Variants in TRPM4 observed in about 807,000 individuals in gnomAD.
TRPM4 encodes the protein transient receptor potential cation channel subfamily M member 4, also known as calcium-activated non-selective cation channel 1.
In TRPM4, 124 loss-of-function variants were observed where a neutral mutation model predicts 135.6. The observed-to-expected ratio is 0.91, with a 90% CI of 0.79 to 1.06. The LOEUF (loss-of-function observed/expected upper bound fraction) is 1.06. TRPM4 is among the 50% of genes least tolerant of loss of function. The pLI, the probability that TRPM4 is intolerant of heterozygous loss-of-function variation, is 0.00. For missense variants in TRPM4, 1,658 were observed against 1,671.4 expected, an observed-to-expected ratio of 0.99 and a Z score of 0.14; for synonymous variants, 745 against 705.6, an observed-to-expected ratio of 1.06 and a Z score of -0.88.
chr19:49,198,454 C>G (rs951652045), intron 17 of TRPM4, among the ~76,000 whole-genome samples: 1 of 151,966 alleles, frequency 6.6e-6, no homozygotes, highest in African/African-American at 2.4e-5. Flanking sequence ...TGAGACCAGC[C>G]TGCCCAACAT....
At chr19:49,183,322 C>A in intron 12 of TRPM4, 110 bp downstream of exon 12, 2 of 1,419,616 alleles carry the variant, frequency 1.4e-6, no homozygotes, top group Non-Finnish European at 2.0e-6. Context: ...ACCTGACAGG[C>A]GCCCCATCCT....
At chr19:49,205,513 G>A (rs1381910996) in intron 20 of TRPM4, among the ~76,000 whole-genome samples, 1 of 148,512 alleles carries the variant, frequency 6.7e-6, no homozygotes, top group Non-Finnish European at 1.5e-5. Context: ...GGCACTATGG[G>A]TTATGACTTC....
chr19:49,204,007 C>T (rs12976461), intron 20 of TRPM4, among the ~76,000 whole-genome samples: 1 of 152,148 alleles, frequency 6.6e-6, no homozygotes, highest in Non-Finnish European at 1.5e-5. Context: ...GTAATTCCAG[C>T]TACTTGGGAG....
chr19:49,162,332 A>G (rs1966997164), intron 2 of TRPM4, among the ~76,000 whole-genome samples: 1 of 152,108 alleles, frequency 6.6e-6, no homozygotes, highest in South Asian at 2.1e-4. Context: ...TGAGGTCAGG[A>G]GTTTGAGACC....
At chr19:49,158,584 T>TTTCATTCATTCA (rs72260340) in intron 2 of TRPM4, 12 of 245,048 alleles carry the variant, frequency 4.9e-5, no homozygotes, top group South Asian at 1.2e-4. Flanking sequence ...GGTATTTCTG[T>TTTCATTCATTCA]TTCATTCATT....
chr19:49,205,836 G>A (rs759388392), intron 20 of TRPM4, among the ~76,000 whole-genome samples: 10 of 151,398 alleles, frequency 6.6e-5, no homozygotes, highest in Admixed American at 5.3e-4. Context: ...GGACCCGGCC[G>A]GACTTCAACA....
chr19:49,161,923 C>A (rs1324262312), intron 2 of TRPM4, among the ~76,000 whole-genome samples: 2 of 152,176 alleles, frequency 1.3e-5, no homozygotes, highest in East Asian at 3.9e-4. Context: ...AGCCACTGCT[C>A]CTGGCCCTGG....
intron 12 of TRPM4, among the ~76,000 whole-genome samples, chr19:49,187,443 C>T (rs758614042): frequency 9.9e-5 from 15 of 151,904 alleles, no homozygotes; most frequent in Non-Finnish European, 1.6e-4. Flanking sequence ...CTACTGGGCT[C>T]ATTCGATCCT....
chr19:49,188,832 C>G (rs1968298915), intron 13 of TRPM4, 62 bp downstream of exon 13: 3 of 1,612,846 alleles, frequency 1.9e-6, no homozygotes, highest in Non-Finnish European at 2.5e-6. Flanking sequence ...GGATGTGCAA[C>G]TCCGCACTCC....
In TRPM4 at chr19:49,202,052, G is replaced by A. The variant is rs760180916; in HGVS notation, c.3042G>A (p.Gln1014=). 1 of 1,614,062 alleles carries A rather than the reference G, an allele frequency of 6.2e-7. No individual in the cohort carries two copies. The highest frequency in any genetic ancestry group is 1.7e-5 in the Admixed American group (1 of 60,020). ...PGAQAGTCVS[Q]YANWLVVLLL... ...CCCAGGCGGGCACCTGCGTCTCCCAGTATGCCAACTGGCTGGTGGTGCTGC... is the reference window on the plus strand; with the variant it reads ...CCCAGGCGGGCACCTGCGTCTCCCAATATGCCAACTGGCTGGTGGTGCTGC... The change falls in exon 20 of 25, where the codon CAG becomes CAA. Residue 1014 remains glutamine (Q), a synonymous_variant. Coordinates refer to ENST00000252826, the MANE Select transcript of TRPM4 (RefSeq NM_017636.4).
chr19:49,184,539 C>A (rs777904230), intron 12 of TRPM4, among the ~76,000 whole-genome samples: 10 of 140,006 alleles, frequency 7.1e-5, no homozygotes, highest in Non-Finnish European at 1.2e-4. Context: ...CCGCTCACTG[C>A]AAGCTCTGCC....
Position 49,211,737 on chromosome 19 carries a change from T to A in TRPM4, c.*239T>A. 4.9e-6 allele frequency: 3 copies of A among 610,174 alleles called. No homozygotes were observed. Among genetic ancestry groups the A allele is most frequent in the Non-Finnish European group, 5.8e-6 (2 of 344,180 alleles). The allele number at this position is 610,174 out of a possible 1,614,324, so 37.8% of individuals were successfully genotyped here. On this transcript the variant is annotated 3_prime_UTR_variant, in exon 25 of 25. Coordinates refer to ENST00000252826, the MANE Select transcript of TRPM4 (RefSeq NM_017636.4). The surrounding 1 kb of genome is among the most constrained non-coding windows in gnomAD (Gnocchi z 4.8). ...TCAAGGCCTGGATCCCGGGCCGTTA[T>A]CCATCTGGAGGCTGCAGGGTCCTTG...
rs150333519 is a variant in TRPM4 at position 49,171,469 on chromosome 19, A to G, written c.858+51A>G. ...TAAGGGGGAAGGAGGGTTGGGGGCC[A>G]GGACTCCTGGGTCCTGAGTCTTAGG... On this transcript the variant is annotated intron_variant, in intron 7 of 24. Transcript: ENST00000252826. This position sits in a 1 kb window ranked among gnomAD's most constrained non-coding sequence, Gnocchi z 4.7. 1,193 of 1,612,704 alleles carry G rather than the reference A, an allele frequency of 7.4e-4. 7 individuals are homozygous for G. The East Asian group carries it at 0.015, about 20-fold the overall frequency.
chr19:49,192,289 C>T (rs1968441613), intron 16 of TRPM4, among the ~76,000 whole-genome samples: 1 of 152,100 alleles, frequency 6.6e-6, no homozygotes, highest in Non-Finnish European at 1.5e-5. Context: ...ATTACAGTCA[C>T]CTGCCACCAC....
At chr19:49,179,037 T>A (rs1466144857) in intron 9 of TRPM4, among the ~76,000 whole-genome samples, 2 of 143,366 alleles carry the variant, frequency 1.4e-5, no homozygotes, top group African/African-American at 5.2e-5. Flanking sequence ...GGATTACAGG[T>A]GTGAGCCACT....
intron 2 of TRPM4, among the ~76,000 whole-genome samples, chr19:49,164,416 T>G (rs1283865837): frequency 7.6e-6 from 1 of 131,370 alleles, no homozygotes; most frequent in Non-Finnish European, 1.6e-5. Context: ...AGTTTCGCTC[T>G]TGTCTCCCAG....
In TRPM4 at chr19:49,196,807, C is replaced by T; in HGVS notation, c.2578C>T (p.Leu860Phe). The change falls in exon 17 of 25, where the codon CTC (leucine) becomes TTC (phenylalanine). Residue 860 changes from leucine to phenylalanine, a missense_variant. Physicochemically the swap from Leu to Phe is conservative, Grantham distance 22. Coordinates refer to ENST00000252826, the MANE Select transcript of TRPM4 (RefSeq NM_017636.4). ...ASLSQRLRLYLADSWNQCDLV... is the reference protein window; with the variant it reads ...ASLSQRLRLYFADSWNQCDLV... ...ACTGAGCCAGCGCCTGCGCCTCTAC[C>T]TCGCCGACAGCTGGAACCAGTGCGA... The T allele has an allele frequency of 6.3e-7, 1 of 1,586,524 alleles. No individual in the cohort carries two copies. The highest frequency in any genetic ancestry group is 8.5e-7 in the Non-Finnish European group (1 of 1,173,858).
At chr19:49,182,057 T>TCCATCC (rs1967951096) in intron 10 of TRPM4, among the ~76,000 whole-genome samples, 2 of 130,280 alleles carry the variant, frequency 1.5e-5, no homozygotes, top group African/African-American at 6.2e-5. Flanking sequence ...TCCATCCATT[T>TCCATCC]ATCCATCCAT....
rs192455997 is a variant in TRPM4, at chr19:49,187,003, C to T, written c.1744-1638C>T. 2.2e-3 allele frequency among the ~76,000 whole-genome samples: 338 copies of T among 152,184 alleles called. 3 individuals are homozygous for T. The highest frequency in any genetic ancestry group is 7.4e-3 in the African/African-American group (307 of 41,520). On this transcript the variant is annotated intron_variant, in intron 12 of 24. Coordinates refer to ENST00000252826, the MANE Select transcript of TRPM4 (RefSeq NM_017636.4). The stretch of plus-strand genomic sequence containing the variant: ...TTCAGGGAGCCACCAGATAGGGCCA[C>T]ACACACAACCACAATTCTGGAGGGT...
Sources: gnomAD v4.1 joint callset for allele counts (sites outside exome capture counted in the v4.1 genomes callset) on GRCh38, gnomAD v4.1.1 for gene constraint, Gnocchi (gnomAD v3.1) non-coding constraint, MANE v1.5 for transcripts, NCBI Gene and HGNC (gene_info 2026-07-23, HGNC 2026-07-21) for gene names.